The following ELP4 variants were observed in gnomAD, a reference collection of about 807,000 sequenced individuals.
ELP4 encodes the protein elongator acetyltransferase complex subunit 4.
In ELP4, 51 loss-of-function variants were observed where a neutral mutation model predicts 48.9. The observed-to-expected ratio is 1.04, with a 90% confidence interval of 0.83 to 1.32. ELP4 has a LOEUF of 1.32. ELP4 is among the 40% of genes most tolerant of loss of function. ELP4 has a pLI of 0.00. For missense variants in ELP4, 519 were observed against 514.6 expected (o/e 1.01, Z -0.08); for synonymous variants, 210 against 189.2 (o/e 1.11, Z -0.90).
intron 9 of ELP4, chr11:31,653,325 G>A (rs563464895): frequency 6.6e-6 from 1 of 151,654 alleles, no homozygotes; most frequent in African/African-American, 2.4e-5. Flanking sequence ...GAAAACTGGT[G>A]ACTCTTATAA....
At chr11:31,764,832 T>G (rs929375030) in intron 9 of ELP4, among the ~76,000 whole-genome samples, 1 of 152,190 alleles carries the variant, frequency 6.6e-6, no homozygotes. Flanking sequence ...GGTTTTATTA[T>G]TTTTTCAACA....
At position 31,785,108 on chromosome 11, in the gene ELP4, AG is replaced by A; in HGVS notation, c.*1586del. The A allele has an allele frequency of 5.5e-6, 1 of 182,308 alleles. No individual in the cohort carries two copies. The highest frequency in any genetic ancestry group is 1.2e-5 in the Non-Finnish European group (1 of 85,522). The allele number at this position is 182,308 out of a possible 1,614,324, so 11.3% of individuals were successfully genotyped here. On this transcript the variant is annotated 3_prime_UTR_variant, in exon 10 of 10. Coordinates refer to ENST00000640961, the MANE Select transcript of ELP4 (RefSeq NM_019040.5). ...AATTAAAGGGCTTTATATTAAGCAA[AG>A]GTGCTTTTAAATTTTAAAGCAACTT...
At chr11:31,715,232 A>G (rs968167693) in intron 9 of ELP4, 1 of 154,244 alleles carries the variant, frequency 6.5e-6, no homozygotes, top group Admixed American at 6.5e-5. Context: ...TTTTATAAAA[A>G]ATGCTTAATA....
intron 9 of ELP4, among the ~76,000 whole-genome samples, chr11:31,698,324 A>G (rs1055306487): frequency 6.6e-6 from 1 of 152,130 alleles, no homozygotes; most frequent in African/African-American, 2.4e-5. Flanking sequence ...TTTATGTTTT[A>G]TTTATATCTT....
intron 3 of ELP4, among the ~76,000 whole-genome samples, chr11:31,579,110 A>G (rs867527129): frequency 3.9e-4 from 59 of 152,204 alleles, no homozygotes; most frequent in African/African-American, 1.4e-3. Flanking sequence ...CAACCCCATC[A>G]AAAAGTGGGC....
At chr11:31,720,803 G>C (rs952960630) in intron 9 of ELP4, among the ~76,000 whole-genome samples, 2 of 152,110 alleles carry the variant, frequency 1.3e-5, no homozygotes, top group Non-Finnish European at 2.9e-5. Context: ...AGGACACCAG[G>C]GCATAAGCAG....
chr11:31,537,536 T>C lies in ELP4; in HGVS notation c.260-2126T>C, dbSNP rs117220661. Among the ~76,000 whole-genome samples, 421 of 152,170 alleles carry C rather than the reference T, an allele frequency of 2.8e-3. 20 individuals carry two copies. The East Asian group carries it at 0.074, about 27-fold the overall frequency. On this transcript the variant is annotated intron_variant, in intron 2 of 9. Coordinates refer to ENST00000640961, the MANE Select transcript of ELP4 (RefSeq NM_019040.5). Reference sequence around the variant, plus strand: ...GAGACTGGGTAATTTGTAAAGAAAATAGGTTTAATTGGCTCATGGTTCTGC... The same window carrying C: ...GAGACTGGGTAATTTGTAAAGAAAACAGGTTTAATTGGCTCATGGTTCTGC...
intron 3 of ELP4, among the ~76,000 whole-genome samples, chr11:31,545,174 C>G (rs1312453949): frequency 6.6e-6 from 1 of 152,022 alleles, no homozygotes; most frequent in Non-Finnish European, 1.5e-5. Context: ...AGGCTTCAGA[C>G]GATCAAACTA....
At chr11:31,781,267 T>C (rs992025297) in intron 9 of ELP4, among the ~76,000 whole-genome samples, 19 of 152,160 alleles carry the variant, frequency 1.2e-4, no homozygotes, top group African/African-American at 4.1e-4. Flanking sequence ...TTCTTTATGG[T>C]AATTTTTTTT....
chr11:31,596,835 AT>A (rs887032296), intron 4 of ELP4, among the ~76,000 whole-genome samples: 1 of 151,964 alleles, frequency 6.6e-6, no homozygotes, highest in African/African-American at 2.4e-5. Flanking sequence ...TCTACAACTG[AT>A]TTTTTTTAAT....
intron 9 of ELP4, among the ~76,000 whole-genome samples, chr11:31,683,672 A>T (rs1946101511): frequency 6.6e-6 from 1 of 152,186 alleles, no homozygotes. Context: ...ATCTATTTAA[A>T]AGCCTACTGT....
At chr11:31,584,961 C>A (rs1367481183) in intron 3 of ELP4, among the ~76,000 whole-genome samples, 1 of 152,068 alleles carries the variant, frequency 6.6e-6, no homozygotes, top group Non-Finnish European at 1.5e-5. Context: ...GTATTTATTC[C>A]TCTACTCTTC....
intron 9 of ELP4, among the ~76,000 whole-genome samples, chr11:31,698,024 G>C (rs1946446693): frequency 6.6e-6 from 1 of 151,976 alleles, no homozygotes; most frequent in Non-Finnish European, 1.5e-5. Flanking sequence ...ATATTTAACA[G>C]AACTAAATGG....
chr11:31,726,487 A>T (rs1947077468), intron 9 of ELP4, among the ~76,000 whole-genome samples: 1 of 152,192 alleles, frequency 6.6e-6, no homozygotes, highest in Non-Finnish European at 1.5e-5. Flanking sequence ...ACAGGAGAGG[A>T]TATGCCAGCA....
intron 2 of ELP4, among the ~76,000 whole-genome samples, chr11:31,531,698 C>T (rs1956399039): frequency 6.6e-6 from 1 of 152,128 alleles, no homozygotes; most frequent in African/African-American, 2.4e-5. Context: ...GCTTATATGG[C>T]TTGCTTTTTG....
In ELP4 at chr11:31,549,375, C is replaced by A. The variant is rs537589025; in HGVS notation, c.381+9592C>A. Among the ~76,000 whole-genome samples the A allele has an allele frequency of 8.0e-4, 122 of 152,320 alleles. 4 individuals carry two copies. In the South Asian group the frequency reaches 0.024, roughly 29 times the overall value. On this transcript the variant is annotated intron_variant, in intron 3 of 9. Transcript: ENST00000640961. ...AGAAGACATTTATGCACCCAAAAAACCCATGAAAAAATGCTCACCATCACT... is the reference window on the plus strand; with the variant it reads ...AGAAGACATTTATGCACCCAAAAAAACCATGAAAAAATGCTCACCATCACT...
intron 9 of ELP4, chr11:31,652,172 C>G (rs576079250): frequency 4.0e-5 from 6 of 151,812 alleles, no homozygotes; most frequent in African/African-American, 1.2e-4. Flanking sequence ...TCTATATACT[C>G]AAACTCTGCA....
At chr11:31,622,408 T>A (rs1944643114) in intron 5 of ELP4, among the ~76,000 whole-genome samples, 1 of 151,740 alleles carries the variant, frequency 6.6e-6, no homozygotes. Flanking sequence ...TAAGTGTTTC[T>A]TTGAGGACTT....
At chr11:31,551,255 TC>T (rs1273920680) in intron 3 of ELP4, among the ~76,000 whole-genome samples, 1 of 152,196 alleles carries the variant, frequency 6.6e-6, no homozygotes, top group East Asian at 1.9e-4. Flanking sequence ...TGAGGTTTTT[TC>T]CCTGCAAATC....
Sources: gnomAD v4.1 joint callset for allele counts (sites outside exome capture counted in the v4.1 genomes callset) on GRCh38, gnomAD v4.1.1 for gene constraint, MANE v1.5 for transcripts, NCBI Gene and HGNC (gene_info 2026-07-23, HGNC 2026-07-21) for gene names.